The following GRID2 variants were observed in gnomAD, a reference collection of about 807,000 sequenced individuals.
The protein encoded by GRID2 is glutamate receptor ionotropic, delta-2.
GRID2 carries 33 observed loss-of-function variants against 114.8 expected under a neutral mutation model. The observed-to-expected ratio is 0.29, with a 90% CI of 0.22 to 0.38. The LOEUF (loss-of-function observed/expected upper bound fraction) is 0.38. Among genes scored for constraint, GRID2 ranks in the 10% least tolerant of loss-of-function variants. The pLI, the probability that GRID2 is intolerant of heterozygous loss-of-function variation, is 1.00. For synonymous variants in GRID2, 505 were observed against 449.9 expected, an observed-to-expected ratio of 1.12 and a Z score of -1.55; for missense variants, 1,184 against 1,257.7, an observed-to-expected ratio of 0.94 and a Z score of 0.89.
intron 10 of GRID2, among the ~76,000 whole-genome samples, chr4:93,452,204 G>C (rs1722753499): frequency 6.6e-6 from 1 of 152,268 alleles, no homozygotes; most frequent in South Asian, 2.1e-4. Flanking sequence ...TCAAGGGAAA[G>C]TTGTGTTTGT....
rs191396928 is a variant in GRID2 at position 93,088,644 on chromosome 4, C to A, written c.529+3365C>A. ...GAGAAACAGCCCCCCTACCAATAGA[C>A]AGTGTGATCAAATATTGCAGCAATT... On this transcript the variant is annotated intron_variant, in intron 3 of 15. Coordinates refer to ENST00000282020, the MANE Select transcript of GRID2 (RefSeq NM_001510.4). Among the ~76,000 whole-genome samples the A allele has an allele frequency of 2.0e-3, 306 of 152,182 alleles. 2 individuals carry two copies. The highest frequency in any genetic ancestry group is 7.2e-3 in the African/African-American group (301 of 41,554).
At chr4:93,208,529 T>C (rs2149471606) in intron 5 of GRID2, among the ~76,000 whole-genome samples, 1 of 152,106 alleles carries the variant, frequency 6.6e-6, no homozygotes, top group African/African-American at 2.4e-5. Flanking sequence ...TCTTATGGAA[T>C]ACTAAACCAT....
chr4:92,603,326 C>T (rs1300639243), intron 2 of GRID2, among the ~76,000 whole-genome samples: 1 of 152,120 alleles, frequency 6.6e-6, no homozygotes, highest in Admixed American at 6.6e-5. Flanking sequence ...ACCAAAACAG[C>T]ATGGTACTGA....
intron 12 of GRID2, among the ~76,000 whole-genome samples, chr4:93,492,642 G>A (rs1265745598): frequency 6.6e-6 from 1 of 151,830 alleles, no homozygotes; most frequent in Non-Finnish European, 1.5e-5. Flanking sequence ...ATCCCAACAT[G>A]AGTTAATTAT....
intron 10 of GRID2, among the ~76,000 whole-genome samples, chr4:93,438,557 G>A (rs7668090): frequency 0.59 from 89,290 of 151,846 alleles, 26,682 homozygotes; most frequent in East Asian, 0.71. Flanking sequence ...TTGGAGTGAG[G>A]AAGAGAAAAA....
Position 92,330,034 on chromosome 4 carries a change from T to C in GRID2, c.88+25290T>C, listed in dbSNP as rs572577134. On this transcript the variant is annotated intron_variant, in intron 1 of 15. Transcript: ENST00000282020. ...GAGAGAGAGAGAGAGAGAAACATGCTAGACATTTTGAAGAACCAGCAAGAA... is the reference window on the plus strand; with the variant it reads ...GAGAGAGAGAGAGAGAGAAACATGCCAGACATTTTGAAGAACCAGCAAGAA... Among the ~76,000 whole-genome samples, 467 of 116,402 alleles carry C rather than the reference T, an allele frequency of 4.0e-3. 3 individuals are homozygous for C. The highest frequency in any genetic ancestry group is 0.016 in the African/African-American group (432 of 27,428). The allele number at this position is 116,402 out of a possible 152,430, so 76.4% of individuals were successfully genotyped here. A position where few individuals can be genotyped will look rare whatever the true frequency, so the allele number is the denominator to read the frequency against.
chr4:93,177,014 C>T (rs1262292107), intron 4 of GRID2, among the ~76,000 whole-genome samples: 1 of 152,062 alleles, frequency 6.6e-6, no homozygotes, highest in Non-Finnish European at 1.5e-5. Flanking sequence ...TGTAAGTTCT[C>T]CTACCTAGCA....
intron 2 of GRID2, among the ~76,000 whole-genome samples, chr4:92,728,712 T>C (rs1295842538): frequency 6.6e-6 from 1 of 151,868 alleles, no homozygotes; most frequent in Non-Finnish European, 1.5e-5. Flanking sequence ...TGAACACCCA[T>C]AGCTGTATGA....
intron 2 of GRID2, among the ~76,000 whole-genome samples, chr4:92,659,624 T>C (rs78504793): frequency 0.012 from 1,835 of 151,626 alleles, 33 homozygotes; most frequent in African/African-American, 0.041. Flanking sequence ...ATCAATACTT[T>C]AGAAAACATA....
chr4:93,701,005 C>A (rs1400575352), intron 14 of GRID2, among the ~76,000 whole-genome samples: 4 of 151,884 alleles, frequency 2.6e-5, no homozygotes, highest in Admixed American at 6.6e-5. Flanking sequence ...GTAAAATGAA[C>A]CATAGCAAAT....
intron 13 of GRID2, among the ~76,000 whole-genome samples, chr4:93,605,128 A>G (rs1380788259): frequency 2.0e-5 from 3 of 152,208 alleles, no homozygotes; most frequent in Admixed American, 2.0e-4. Flanking sequence ...GGGGGCAAAA[A>G]TCATACTTTT....
At chr4:92,378,559 A>C (rs950177568) in intron 1 of GRID2, among the ~76,000 whole-genome samples, 1 of 152,100 alleles carries the variant, frequency 6.6e-6, no homozygotes, top group Non-Finnish European at 1.5e-5. Context: ...TCAATCAAAA[A>C]TATACTAGTT....
intron 13 of GRID2, among the ~76,000 whole-genome samples, chr4:93,557,381 G>A (rs1403899067): frequency 6.6e-6 from 1 of 152,110 alleles, no homozygotes; most frequent in African/African-American, 2.4e-5. Flanking sequence ...CAAAATAAAG[G>A]GATGGAGGAA....
intron 4 of GRID2, among the ~76,000 whole-genome samples, chr4:93,192,139 C>T (rs886819451): frequency 1.3e-5 from 2 of 152,190 alleles, no homozygotes; most frequent in African/African-American, 2.4e-5. Flanking sequence ...AGTAATTTAC[C>T]TAGAGAGGAA....
Position 93,013,290 on chromosome 4 carries a change from GT to G in GRID2, c.245-71703del, listed in dbSNP as rs200127996. Among the ~76,000 whole-genome samples, 33 of 151,984 alleles carry G rather than the reference GT, an allele frequency of 2.2e-4. No individual in the cohort carries two copies. The East Asian group carries it at 6.4e-3, about 29-fold the overall frequency. ...TTTAAGAGTTTTATAGCCTTCTTTT[GT>G]TGGTTGAGTTTTTTTAATCTGTATT... On this transcript the variant is annotated intron_variant, in intron 2 of 15. Transcript: ENST00000282020.
At chr4:93,175,220 G>C (rs994717777) in intron 4 of GRID2, among the ~76,000 whole-genome samples, 1 of 152,088 alleles carries the variant, frequency 6.6e-6, no homozygotes, top group Non-Finnish European at 1.5e-5. Flanking sequence ...GCCCAGGCTG[G>C]AGTGCAGTGG....
At chr4:92,681,410 G>T (rs762387367) in intron 2 of GRID2, among the ~76,000 whole-genome samples, 1 of 152,076 alleles carries the variant, frequency 6.6e-6, no homozygotes, top group Admixed American at 6.6e-5. Flanking sequence ...GTGGTGTTTG[G>T]TTTTTTGTCC....
intron 4 of GRID2, among the ~76,000 whole-genome samples, chr4:93,137,707 C>G (rs1735390183): frequency 6.6e-6 from 1 of 152,016 alleles, no homozygotes; most frequent in African/African-American, 2.4e-5. Flanking sequence ...TGAGTTTCAT[C>G]TCCATGAAAC....
Position 92,355,567 on chromosome 4 carries a change from A to G in GRID2, c.88+50823A>G, listed in dbSNP as rs186277628. Among the ~76,000 whole-genome samples, 797 of 151,988 alleles carry G rather than the reference A, an allele frequency of 5.2e-3. 2 individuals are homozygous for G. Among genetic ancestry groups the G allele is most frequent in the Non-Finnish European group, 8.6e-3 (585 of 67,852 alleles). On this transcript the variant is annotated intron_variant, in intron 1 of 15. Coordinates refer to ENST00000282020, the MANE Select transcript of GRID2 (RefSeq NM_001510.4). ...TAACAGAGCTGACTTACTCTCATAC[A>G]CTATTTAACTTTACGTTATGACATA...
Sources: allele counts gnomAD v4.1 joint callset (sites outside exome capture counted in the v4.1 genomes callset), GRCh38; gene constraint gnomAD v4.1.1; transcripts MANE v1.5; gene names NCBI Gene and HGNC (gene_info 2026-07-23, HGNC 2026-07-21).